The following GUCY1A2 variants were observed in gnomAD, a reference collection of about 807,000 sequenced individuals.
GUCY1A2 encodes the protein guanylate cyclase 1 soluble subunit alpha 2.
A neutral mutation model predicts 63.5 loss-of-function variants in GUCY1A2; 27 were observed. The observed-to-expected ratio is 0.43, with a 90% CI of 0.31 to 0.59. The LOEUF is 0.59. Ranked by LOEUF, GUCY1A2 falls within the 20% of genes least tolerant of loss-of-function variation. The pLI is 0.11. For synonymous variants in GUCY1A2, 364 were observed against 343.5 expected (o/e 1.06, Z -0.66); for missense variants, 768 against 913.3 (o/e 0.84, Z 2.05).
chr11:106,867,773 A>T (rs529308058), intron 4 of GUCY1A2, among the ~76,000 whole-genome samples: 36 of 152,172 alleles, frequency 2.4e-4, no homozygotes, highest in Non-Finnish European at 4.3e-4. Flanking sequence ...ATTTTATATC[A>T]AAGACTAGAA....
chr11:106,966,520 C>T (rs995810913), intron 3 of GUCY1A2, among the ~76,000 whole-genome samples: 1 of 152,162 alleles, frequency 6.6e-6, no homozygotes, highest in Non-Finnish European at 1.5e-5. Flanking sequence ...CCCTGATGAT[C>T]ACCAGTACCT....
intron 3 of GUCY1A2, among the ~76,000 whole-genome samples, chr11:106,971,169 C>A (rs1189898784): frequency 6.6e-6 from 1 of 151,552 alleles, no homozygotes; most frequent in African/African-American, 2.4e-5. Flanking sequence ...TTTTTCAATA[C>A]CCATAGAACT....
chr11:106,732,249 C>G (rs901231365), intron 6 of GUCY1A2, among the ~76,000 whole-genome samples: 4 of 152,104 alleles, frequency 2.6e-5, no homozygotes, highest in Non-Finnish European at 4.4e-5. Context: ...TGATCTTTGA[C>G]AAAGTCGACA....
chr11:106,758,010 CCT>C (rs1463581522), intron 6 of GUCY1A2, among the ~76,000 whole-genome samples: 2 of 152,216 alleles, frequency 1.3e-5, no homozygotes, highest in East Asian at 3.9e-4. Flanking sequence ...TCTATAATTC[CCT>C]GACTGGACTG....
intron 4 of GUCY1A2, among the ~76,000 whole-genome samples, chr11:106,884,990 T>C (rs1367224980): frequency 3.3e-5 from 5 of 152,130 alleles, no homozygotes; most frequent in African/African-American, 1.2e-4. Context: ...TTAAGATAAA[T>C]GTACCTTCAG....
chr11:106,802,932 T>A (rs1858630734), intron 5 of GUCY1A2, among the ~76,000 whole-genome samples: 1 of 152,130 alleles, frequency 6.6e-6, no homozygotes, highest in Non-Finnish European at 1.5e-5. Context: ...ATACTGTTTG[T>A]AAAAATCAAA....
At chr11:106,866,951 C>A (rs993708912) in intron 4 of GUCY1A2, among the ~76,000 whole-genome samples, 2 of 151,988 alleles carry the variant, frequency 1.3e-5, no homozygotes, top group African/African-American at 4.8e-5. Flanking sequence ...TAGCTGCCCA[C>A]CAAATTTCCA....
At chr11:106,737,489 G>C (rs1040919505) in intron 6 of GUCY1A2, among the ~76,000 whole-genome samples, 1 of 152,018 alleles carries the variant, frequency 6.6e-6, no homozygotes, top group African/African-American at 2.4e-5. Context: ...ATGGTGGTTT[G>C]CTGCACCCAT....
At chr11:106,867,354 A>G (rs1859609153) in intron 4 of GUCY1A2, among the ~76,000 whole-genome samples, 2 of 152,132 alleles carry the variant, frequency 1.3e-5, no homozygotes, top group South Asian at 4.1e-4. Flanking sequence ...TCTAGGAGAT[A>G]GACATACGTA....
At chr11:106,985,268 A>G (rs1861386635) in intron 2 of GUCY1A2, among the ~76,000 whole-genome samples, 1 of 152,232 alleles carries the variant, frequency 6.6e-6, no homozygotes, top group African/African-American at 2.4e-5. Flanking sequence ...AAGGTAAATT[A>G]AAATATATAC....
intron 3 of GUCY1A2, among the ~76,000 whole-genome samples, chr11:106,961,049 A>G (rs374637027): frequency 2.4e-4 from 36 of 152,252 alleles, no homozygotes; most frequent in African/African-American, 8.2e-4. Context: ...GACACAGCAT[A>G]AGAACCATTC....
At chr11:106,713,251 A>G (rs1215800021) in intron 6 of GUCY1A2, among the ~76,000 whole-genome samples, 4 of 152,142 alleles carry the variant, frequency 2.6e-5, no homozygotes, top group African/African-American at 9.7e-5. Flanking sequence ...CCTGATTTTA[A>G]AAAGTTTTTT....
At chr11:106,886,360 C>A (rs1859900323) in intron 4 of GUCY1A2, among the ~76,000 whole-genome samples, 1 of 151,914 alleles carries the variant, frequency 6.6e-6, no homozygotes, top group African/African-American at 2.4e-5. Flanking sequence ...AGAAGCAGAA[C>A]AAAATGATAA....
intron 1 of GUCY1A2, among the ~76,000 whole-genome samples, chr11:107,010,755 G>C (rs552400154): frequency 6.6e-6 from 1 of 152,012 alleles, no homozygotes; most frequent in East Asian, 1.9e-4. Context: ...TTTTGAGATG[G>C]AGTATTCCTC....
chr11:106,827,400 T>A (rs1858986263), intron 4 of GUCY1A2: 2 of 1,520,914 alleles, frequency 1.3e-6, no homozygotes, highest in Non-Finnish European at 1.8e-6. Flanking sequence ...AGCCTTCAAT[T>A]TCATACACTA....
chr11:106,978,098 A>G (rs1861286207), intron 3 of GUCY1A2, among the ~76,000 whole-genome samples: 3 of 152,120 alleles, frequency 2.0e-5, no homozygotes. Context: ...CCCCTCTGTC[A>G]TAAGTACAAA....
chr11:106,765,240 T>C (rs773797818), intron 6 of GUCY1A2, among the ~76,000 whole-genome samples: 14 of 152,108 alleles, frequency 9.2e-5, no homozygotes, highest in Non-Finnish European at 1.8e-4. Flanking sequence ...CCTAAGAACA[T>C]ATGAAATCTA....
chr11:106,959,959 G>C (rs551437861), intron 3 of GUCY1A2, among the ~76,000 whole-genome samples: 2 of 152,340 alleles, frequency 1.3e-5, no homozygotes, highest in Admixed American at 6.5e-5. Flanking sequence ...CTGCCCAGGA[G>C]CCTGTCTGAG....
At chr11:106,857,522 T>C (rs1324360247) in intron 4 of GUCY1A2, among the ~76,000 whole-genome samples, 1 of 152,182 alleles carries the variant, frequency 6.6e-6, no homozygotes, top group African/African-American at 2.4e-5. Flanking sequence ...TCTCATATCT[T>C]GCTTTCTCAA....
Sources: gnomAD v4.1 joint callset for allele counts (sites outside exome capture counted in the v4.1 genomes callset) on GRCh38, gnomAD v4.1.1 for gene constraint, MANE v1.5 for transcripts, NCBI Gene and HGNC (gene_info 2026-07-23, HGNC 2026-07-21) for gene names.